AP1B1: variants seen among roughly 807,000 people sequenced by gnomAD.
AP1B1 encodes the protein AP-1 complex subunit beta-1.
AP1B1 carries 36 observed loss-of-function variants against 104.3 expected under a neutral mutation model. The ratio of observed to expected loss-of-function variants is 0.35; its 90% confidence interval spans 0.26 to 0.46. AP1B1 has a LOEUF of 0.46. Ranked by LOEUF, AP1B1 falls within the 20% of genes least tolerant of loss-of-function variation. The pLI, the probability that AP1B1 is intolerant of heterozygous loss-of-function variation, is 1.00. For missense variants in AP1B1, 901 were observed against 1,247.9 expected (o/e 0.72, Z 4.19); for synonymous variants, 504 against 517.5 (o/e 0.97, Z 0.35).
At chr22:29,351,447 C>T in intron 8 of AP1B1, 181 bp from the exon 9 acceptor site, 1 of 868,294 alleles carries the variant, frequency 1.2e-6, no homozygotes, top group Non-Finnish European at 1.8e-6. Flanking sequence ...CCTGGACAAC[C>T]TTGTTTGGGG....
At chr22:29,334,530 C>A (rs772130929) in intron 16 of AP1B1, 120 bp from the exon 17 acceptor site, 3 of 1,123,898 alleles carry the variant, frequency 2.7e-6, no homozygotes, top group Admixed American at 6.1e-5. Context: ...AGATCCAGCA[C>A]CCCCACCTTT....
chr22:29,349,189 C>T, intron 11 of AP1B1, 29 bp downstream of exon 11: 1 of 1,607,964 alleles, frequency 6.2e-7, no homozygotes, highest in Non-Finnish European at 8.5e-7. Flanking sequence ...CCAGTCATGA[C>T]TCACACCCTG....
At chr22:29,365,820 G>C (rs891505452) in intron 2 of AP1B1, among the ~76,000 whole-genome samples, 1 of 150,324 alleles carries the variant, frequency 6.7e-6, no homozygotes, top group East Asian at 2.0e-4. Context: ...ATCCCCCATC[G>C]ATCTGGCCAG....
At chr22:29,381,757 T>C (rs1263076551) in intron 1 of AP1B1, among the ~76,000 whole-genome samples, 5 of 152,028 alleles carry the variant, frequency 3.3e-5, no homozygotes, top group East Asian at 1.9e-4. Context: ...CCTGCTCCCA[T>C]AGGTATCAGC....
intron 1 of AP1B1, among the ~76,000 whole-genome samples, chr22:29,383,919 G>C (rs1255611716): frequency 2.0e-5 from 3 of 152,154 alleles, no homozygotes; most frequent in Non-Finnish European, 4.4e-5. Context: ...CAGAGGTCAA[G>C]TCCAAGGCTA....
intron 1 of AP1B1, among the ~76,000 whole-genome samples, chr22:29,385,969 T>A (rs1469119275): frequency 3.3e-5 from 5 of 152,140 alleles, no homozygotes; most frequent in Admixed American, 3.3e-4. Flanking sequence ...TCTGAACTAC[T>A]TTTAGGAAGT....
At chr22:29,359,433 A>C (rs2062010036) in intron 4 of AP1B1, among the ~76,000 whole-genome samples, 1 of 152,256 alleles carries the variant, frequency 6.6e-6, no homozygotes, top group Admixed American at 6.5e-5. Context: ...GGAGAAAATA[A>C]AATTAAAATA....
chr22:29,329,046 A>C, intron 22 of AP1B1, 151 bp from the exon 23 acceptor site: 1 of 1,442,578 alleles, frequency 6.9e-7, no homozygotes, highest in South Asian at 1.4e-5. Context: ...ATGTGAGGTA[A>C]AGCGGAGGGG....
At chr22:29,377,810 C>CA (rs34461211) in intron 1 of AP1B1, among the ~76,000 whole-genome samples, 2,436 of 76,448 alleles carry the variant, frequency 0.032, 37 homozygotes, top group Admixed American at 0.036. Context: ...GACTCTGTCT[C>CA]AAAAAAAAAA....
chr22:29,333,118 C>G (rs1012620195), intron 17 of AP1B1: 1 of 154,572 alleles, frequency 6.5e-6, no homozygotes, highest in Non-Finnish European at 1.5e-5. Flanking sequence ...ACCCCTAGCC[C>G]CGGTCTGCCC....
chr22:29,359,122 A>G, intron 4 of AP1B1, 151 bp from the exon 5 acceptor site: 1 of 766,054 alleles, frequency 1.3e-6, no homozygotes, highest in Non-Finnish European at 2.1e-6. Context: ...ACAACAGCAA[A>G]AGTAAATGCT....
intron 1 of AP1B1, among the ~76,000 whole-genome samples, chr22:29,384,899 G>A (rs763168042): frequency 6.6e-6 from 1 of 152,144 alleles, no homozygotes; most frequent in African/African-American, 2.4e-5. Flanking sequence ...ACTTAGAAGA[G>A]AGCCAAATAA....
intron 19 of AP1B1, 32 bp from the exon 20 acceptor site, chr22:29,330,741 G>A (rs1323566049): frequency 7.6e-6 from 12 of 1,574,302 alleles, no homozygotes; most frequent in African/African-American, 1.3e-5. Flanking sequence ...GATGAGAGGC[G>A]AGCCCCTCAT....
At chr22:29,361,252 C>A (rs944465179) in intron 3 of AP1B1, among the ~76,000 whole-genome samples, 1 of 152,196 alleles carries the variant, frequency 6.6e-6, no homozygotes, top group African/African-American at 2.4e-5. Context: ...GAGCCCCTTC[C>A]CGGAGCTGCT....
intron 2 of AP1B1, among the ~76,000 whole-genome samples, chr22:29,364,117 G>T (rs186143606): frequency 1.3e-5 from 2 of 152,310 alleles, no homozygotes; most frequent in East Asian, 1.9e-4. Flanking sequence ...TAAGGCTTGC[G>T]GGGTGAGAGC....
At chr22:29,367,146 G>A (rs2062155864) in intron 2 of AP1B1, 61 bp downstream of exon 2, 7 of 1,538,066 alleles carry the variant, frequency 4.6e-6, no homozygotes, top group Non-Finnish European at 5.4e-6. Context: ...GCCATAGGAG[G>A]AAAACAGAAG....
At chr22:29,357,100 G>C (rs1198865746) in intron 5 of AP1B1, among the ~76,000 whole-genome samples, 2 of 148,390 alleles carry the variant, frequency 1.3e-5, no homozygotes, top group Non-Finnish European at 3.0e-5. Context: ...GTTGTGCTCT[G>C]TCGCCCAGGT....
chr22:29,350,177 G>A lies in AP1B1; in HGVS notation c.1156-27C>T, dbSNP rs761817643. On this transcript the variant is annotated intron_variant, in intron 9 of 22. Transcript: ENST00000357586. ...TGCATGGGAAGAGAAGAGTGTGGGCGAGGTCCCCGCACCCCATTTCCAGTA... is the reference window on the plus strand; with the variant it reads ...TGCATGGGAAGAGAAGAGTGTGGGCAAGGTCCCCGCACCCCATTTCCAGTA... The A allele has an allele frequency of 1.1e-5, 17 of 1,588,716 alleles. No homozygotes were observed. In the South Asian group the frequency reaches 1.3e-4, roughly 12 times the overall value.
intron 1 of AP1B1, among the ~76,000 whole-genome samples, chr22:29,383,883 G>C (rs2062477960): frequency 6.6e-6 from 1 of 152,136 alleles, no homozygotes; most frequent in South Asian, 2.1e-4. Flanking sequence ...CCACAACTAG[G>C]AGAGGCCTCC....
Sources: gnomAD v4.1 joint callset for allele counts (sites outside exome capture counted in the v4.1 genomes callset) on GRCh38, gnomAD v4.1.1 for gene constraint, MANE v1.5 for transcripts, NCBI Gene and HGNC (gene_info 2026-07-23, HGNC 2026-07-21) for gene names.